NUP54: variants seen among roughly 807,000 people sequenced by gnomAD.
NUP54 encodes the protein nucleoporin 54, also known as nucleoporin p54.
A neutral mutation model predicts 66.4 loss-of-function variants in NUP54; 27 were observed. The observed-to-expected ratio is 0.41, with a 90% CI of 0.30 to 0.56. The LOEUF is 0.56. Ranked by LOEUF, NUP54 falls within the 20% of genes least tolerant of loss-of-function variation. The pLI, the probability that NUP54 is intolerant of heterozygous loss-of-function variation, is 0.34. For synonymous variants in NUP54, 206 were observed against 210.7 expected (o/e 0.98, Z 0.19); for missense variants, 486 against 596.3 (o/e 0.82, Z 1.93).
At chr4:76,134,138 A>T (rs1730930123) in intron 5 of NUP54, 37 bp downstream of exon 5, 1 of 1,448,994 alleles carries the variant, frequency 6.9e-7, no homozygotes, top group South Asian at 1.2e-5. Flanking sequence ...CCAGAAATAA[A>T]TACACAGAAA....
At chr4:76,148,206 G>A in intron 1 of NUP54, 102 bp downstream of exon 1, 3 of 921,836 alleles carry the variant, frequency 3.3e-6, no homozygotes, top group Non-Finnish European at 4.4e-6. Flanking sequence ...TCTCCGCGTC[G>A]GCGGGAGATT....
At position 76,134,453 on chromosome 4, in the gene NUP54, GA is replaced by G. The variant is rs1204949747; in HGVS notation, c.523-92del. 30 of 1,041,290 alleles carry G rather than the reference GA, an allele frequency of 2.9e-5. No homozygotes were observed. The South Asian group carries it at 4.4e-4, about 15-fold the overall frequency. 64.5% of individuals were successfully genotyped at this position (1,041,290 alleles called of 1,614,324 possible). A position where few individuals can be genotyped will look rare whatever the true frequency, so the allele number is the denominator to read the frequency against. ...AATAGCTTAATATCTGCTAAAATGG[GA>G]AAAACAACTTAATGTCTGGTAATTA... On this transcript the variant is annotated intron_variant, in intron 4 of 11. Transcript: ENST00000264883.
chr4:76,133,554 G>A (rs1434498818), intron 5 of NUP54, among the ~76,000 whole-genome samples: 11 of 151,966 alleles, frequency 7.2e-5, no homozygotes, highest in Admixed American at 3.9e-4. Flanking sequence ...TGATCCGCCC[G>A]TCTCGGCCTC....
chr4:76,124,662 T>G lies in NUP54; in HGVS notation c.1151A>C (p.His384Pro). 6.3e-7 allele frequency: 1 copy of G among 1,582,326 alleles called. No individual in the cohort carries two copies. The highest frequency in any genetic ancestry group is 8.7e-7 in the Non-Finnish European group (1 of 1,153,174). Residue 384 changes from histidine (H) to proline (P), a missense_variant, in exon 9 of 12, where the codon CAT (histidine) becomes CCT (proline). Physicochemically the swap from His to Pro is moderately conservative, Grantham distance 77 (BLOSUM62 -2). This residue lies in a region of NUP54 where 217 missense variants were observed against 247.9 expected (regional missense o/e 0.88). Transcript: ENST00000264883. ...CCAAATTACTACCTGTAAAGTTCTATGGGAAAGATCCATGAGTTTCCTCTT... is the reference window on the plus strand; with the variant it reads ...CCAAATTACTACCTGTAAAGTTCTAGGGGAAAGATCCATGAGTTTCCTCTT... ...QYKRKLMDLS[H>P]RTLQVLIKQE...
Position 76,115,427 on chromosome 4 carries a change from A to G in NUP54, c.1463T>C (p.Ile488Thr), listed in dbSNP as rs1485464998. 9 of 1,611,726 alleles carry G rather than the reference A, an allele frequency of 5.6e-6. No individual in the cohort carries two copies. Among genetic ancestry groups the G allele is most frequent in the South Asian group, 1.1e-5 (1 of 90,510 alleles). The change falls in exon 12 of 12, where the codon ATA (isoleucine) becomes ACA (threonine). Residue 488 changes from isoleucine (I) to threonine (T), a missense_variant. Ile to Thr is a moderately conservative substitution (Grantham distance 89). This residue lies in a region of NUP54 where 83 missense variants were observed against 128.6 expected (regional missense o/e 0.65). Coordinates refer to ENST00000264883, the MANE Select transcript of NUP54 (RefSeq NM_017426.4). ...ATTCAATCCATGTTCGACCAGCTTT[A>G]TATCTTCTAGATCGTCTTTAATGAT... Reference protein sequence around the residue: ...ISIIKDDLEDIKLVEHGLNET... With the variant: ...ISIIKDDLEDTKLVEHGLNET...
At position 76,115,264 on chromosome 4, in the gene NUP54, ATTG is replaced by A. The variant is rs554529044; in HGVS notation, c.*99_*101del. On this transcript the variant is annotated 3_prime_UTR_variant, in exon 12 of 12. Transcript: ENST00000264883. ...TCTCAAAAAACCAATCCAAGAAAGA[ATTG>A]TTTTCTTTTTCCCTCCATGTGGTCG... The A allele has an allele frequency of 3.0e-3, 3,301 of 1,086,378 alleles. 12 individuals are homozygous for A. Among genetic ancestry groups the A allele is most frequent in the South Asian group, 3.9e-3 (136 of 34,832 alleles). 67.3% of individuals were successfully genotyped at this position (1,086,378 alleles called of 1,614,324 possible).
chr4:76,129,721 C>T (rs550101458), intron 8 of NUP54, among the ~76,000 whole-genome samples: 57 of 151,710 alleles, frequency 3.8e-4, no homozygotes, highest in African/African-American at 1.4e-3. Flanking sequence ...AAAAATTAGC[C>T]GGGCGTGGTG....
intron 3 of NUP54, among the ~76,000 whole-genome samples, chr4:76,137,165 A>T (rs59084193): frequency 0.13 from 20,019 of 151,996 alleles, 1,550 homozygotes; most frequent in East Asian, 0.35. Flanking sequence ...TTAATTTTTT[A>T]AAATTATTTT....
chr4:76,130,841 C>A, intron 7 of NUP54, 92 bp from the exon 8 acceptor site: 2 of 803,200 alleles, frequency 2.5e-6, no homozygotes, highest in Non-Finnish European at 2.1e-6. Flanking sequence ...TGTAATTTTA[C>A]ATCAACTTTC....
chr4:76,119,035 G>A (rs1730106617), intron 9 of NUP54, among the ~76,000 whole-genome samples: 2 of 151,872 alleles, frequency 1.3e-5, no homozygotes, highest in Non-Finnish European at 2.9e-5. Context: ...ACTATGGTAT[G>A]GCTTAAAAGC....
intron 6 of NUP54, among the ~76,000 whole-genome samples, chr4:76,132,131 T>C (rs1730829416): frequency 6.6e-6 from 1 of 152,104 alleles, no homozygotes; most frequent in Non-Finnish European, 1.5e-5. Context: ...CTAAAGGTAA[T>C]CTATCACATA....
At chr4:76,147,390 G>GT in intron 1 of NUP54, 2 of 828,350 alleles carry the variant, frequency 2.4e-6, no homozygotes, top group Non-Finnish European at 3.3e-6. Flanking sequence ...TATTAGACAA[G>GT]TAACTGTTCT....
Position 76,115,354 on chromosome 4 carries a change from G to A in NUP54, c.*12C>T, listed in dbSNP as rs754282844. The A allele has an allele frequency of 6.3e-7, 1 of 1,578,798 alleles. No individual in the cohort carries two copies. Among genetic ancestry groups the A allele is most frequent in the South Asian group, 1.2e-5 (1 of 82,766 alleles). On this transcript the variant is annotated 3_prime_UTR_variant, in exon 12 of 12. Transcript: ENST00000264883. ...ATGCATTTCACAAACCTTTACACAA[G>A]TTTGTGAACTGTCAACTAAAGACAC...
Position 76,148,369 on chromosome 4 carries a change from G to T in NUP54, c.6C>A (p.Ala2=). The change falls in exon 1 of 12, where the codon GCC becomes GCA. Residue 2 remains alanine (A), a synonymous_variant. Coordinates refer to ENST00000264883, the MANE Select transcript of NUP54 (RefSeq NM_017426.4). M[A]FNFGAPSGTS... Reference sequence around the variant, plus strand: ...TGCCCGAGGGAGCCCCAAAATTGAAGGCCATGTCGCGAAAGCAGGAGACCA... The same window carrying T: ...TGCCCGAGGGAGCCCCAAAATTGAATGCCATGTCGCGAAAGCAGGAGACCA... 1 of 1,543,612 alleles carries T rather than the reference G, an allele frequency of 6.5e-7. No individual in the cohort carries two copies. Among genetic ancestry groups the T allele is most frequent in the South Asian group, 1.2e-5 (1 of 81,048 alleles).
At chr4:76,143,482 T>C (rs923939777) in intron 3 of NUP54, among the ~76,000 whole-genome samples, 1 of 152,156 alleles carries the variant, frequency 6.6e-6, no homozygotes, top group African/African-American at 2.4e-5. Context: ...TGTGCGCCTG[T>C]AGTCCCAGCT....
At chr4:76,125,425 G>C (rs976294257) in intron 8 of NUP54, among the ~76,000 whole-genome samples, 2 of 151,436 alleles carry the variant, frequency 1.3e-5, no homozygotes, top group East Asian at 3.9e-4. Context: ...CTTGAGACCA[G>C]GATTTTGAGA....
intron 6 of NUP54, among the ~76,000 whole-genome samples, chr4:76,131,597 A>G (rs1188283650): frequency 1.3e-5 from 2 of 152,072 alleles, no homozygotes; most frequent in African/African-American, 4.8e-5. Context: ...GTAACTCACA[A>G]AAAATATAAA....
chr4:76,140,687 G>A (rs62300625), intron 3 of NUP54, among the ~76,000 whole-genome samples: 19,966 of 152,156 alleles, frequency 0.13, 1,515 homozygotes, highest in East Asian at 0.35. Context: ...GAAAGCAGGA[G>A]AATAAGTTGA....
chr4:76,129,501 CATT>C (rs1174125961), intron 8 of NUP54, among the ~76,000 whole-genome samples: 1 of 152,174 alleles, frequency 6.6e-6, no homozygotes, highest in Non-Finnish European at 1.5e-5. Context: ...ATCTCACTGA[CATT>C]AATAGAAAAC....
Sources: allele counts gnomAD v4.1 joint callset (sites outside exome capture counted in the v4.1 genomes callset), GRCh38; gene constraint gnomAD v4.1.1; regional missense constraint gnomAD v4.1.1; transcripts MANE v1.5; gene names NCBI Gene and HGNC (gene_info 2026-07-23, HGNC 2026-07-21).